The following RAVER1 variants were observed in gnomAD, a reference collection of about 807,000 sequenced individuals.
The protein encoded by RAVER1 is ribonucleoprotein PTB-binding 1.
A neutral mutation model predicts 68.4 loss-of-function variants in RAVER1; 36 were observed. That is an observed-to-expected ratio of 0.53 (90% CI 0.40 to 0.70). The LOEUF is 0.70. Among genes scored for constraint, RAVER1 ranks in the 30% least tolerant of loss-of-function variants. RAVER1 has a pLI of 0.00. For missense variants in RAVER1, 933 were observed against 1,019.8 expected (o/e 0.91, Z 1.16); for synonymous variants, 469 against 472.7 (o/e 0.99, Z 0.10).
In RAVER1 at chr19:10,320,733, G is replaced by A; in HGVS notation, c.1692C>T (p.Arg564=). Residue 564 remains arginine, a synonymous_variant, in exon 9 of 13, where the codon CGC becomes CGT. Transcript: ENST00000617231. ...SSSKAFQLKS[R]LLSPLSSARL... is the part of the protein sequence containing the mutation. ...GGGCGCTGCTGAGGGGGCTGAGCAG[G>A]CGGGACTTGAGCTGGAAGGCTTTGC... is the stretch of plus-strand genomic sequence containing the variant. 1 of 1,532,536 alleles carries A rather than the reference G, an allele frequency of 6.5e-7. No homozygotes were observed. The highest frequency in any genetic ancestry group is 8.7e-7 in the Non-Finnish European group (1 of 1,148,374). 94.9% of individuals were successfully genotyped at this position (1,532,536 alleles called of 1,614,324 possible).
chr19:10,328,962 G>T lies in RAVER1; in HGVS notation c.436C>A (p.Gln146Lys). ...GGCCGCACCAGCTCCTCGAACTGCT[G>T]CTGTGTGAGGCTGGGGGGCAGGTTG... The part of the protein sequence containing the change: ...VANLPPSLTQ[Q>K]QFEELVRPFG... The change falls in exon 3 of 13, where the codon CAG (glutamine) becomes AAG (lysine). Residue 146 changes from glutamine (Q) to lysine (K), a missense_variant. Gln to Lys is a moderately conservative substitution (Grantham distance 53). Around this residue, in one of 3 missense-constraint regions of RAVER1, gnomAD observed 211 missense variants for 230.0 expected, o/e 0.92. Coordinates refer to ENST00000617231, the MANE Select transcript of RAVER1 (RefSeq NM_133452.3). The surrounding 1 kb of genome is among the most constrained non-coding windows in gnomAD (Gnocchi z 4.4). 2 of 1,601,074 alleles carry T rather than the reference G, an allele frequency of 1.2e-6. No homozygotes were observed. The highest frequency in any genetic ancestry group is 1.7e-6 in the Non-Finnish European group (2 of 1,171,584).
Position 10,323,065 on chromosome 19 carries a change from T to G in RAVER1, c.1078+80A>C, listed in dbSNP as rs888261431. The G allele has an allele frequency of 1.3e-5, 16 of 1,208,208 alleles. No homozygotes were observed. Among genetic ancestry groups the G allele is most frequent in the Non-Finnish European group, 1.7e-5 (15 of 877,312 alleles). 74.8% of individuals were successfully genotyped at this position (1,208,208 alleles called of 1,614,324 possible). On this transcript the variant is annotated intron_variant, in intron 5 of 12. Transcript: ENST00000617231. This position sits in a 1 kb window ranked among gnomAD's most constrained non-coding sequence, Gnocchi z 6.2. Reference sequence around the variant, plus strand: ...GGGGCTCCTGTCACTGCAGCCAAGATGAGCAGTTTCGGGAAGTGCCGGGGG... The same window carrying G: ...GGGGCTCCTGTCACTGCAGCCAAGAGGAGCAGTTTCGGGAAGTGCCGGGGG...
At chr19:10,327,403 AC>A (rs2145079524) in intron 3 of RAVER1, among the ~76,000 whole-genome samples, 1 of 151,992 alleles carries the variant, frequency 6.6e-6, no homozygotes, top group East Asian at 1.9e-4. Flanking sequence ...AGCTGGGACT[AC>A]AGGCACACCA....
Position 10,328,912 on chromosome 19 carries a change from G to A in RAVER1, c.486C>T (p.Phe162=). 6.2e-7 allele frequency: 1 copy of A among 1,612,762 alleles called. No individual in the cohort carries two copies. Among genetic ancestry groups the A allele is most frequent in the Non-Finnish European group, 8.5e-7 (1 of 1,179,430 alleles). The part of the protein sequence containing the change: ...VRPFGSLERC[F]LVYSERTGQS... ...GGCCAGTGCGCTCACTGTAGACCAG[G>A]AAGCAGCGCTCCAGGCTGCCGAAGG... is the stretch of plus-strand genomic sequence containing the variant. Residue 162 remains phenylalanine, a synonymous_variant, in exon 3 of 13, where the codon TTC becomes TTT. Coordinates refer to ENST00000617231, the MANE Select transcript of RAVER1 (RefSeq NM_133452.3). This position sits in a 1 kb window ranked among gnomAD's most constrained non-coding sequence, Gnocchi z 4.4.
chr19:10,319,324 A>C, intron 9 of RAVER1, 84 bp from the exon 10 acceptor site: 1 of 1,351,124 alleles, frequency 7.4e-7, no homozygotes, highest in Non-Finnish European at 1.0e-6. Flanking sequence ...AGCTGTCATC[A>C]GGGAAGACAG....
In RAVER1 at chr19:10,326,528, G is replaced by A. The variant is rs139883901; in HGVS notation, c.756+2114C>T. Among the ~76,000 whole-genome samples the A allele has an allele frequency of 7.1e-3, 1,080 of 152,186 alleles. 13 individuals carry two copies. The highest frequency in any genetic ancestry group is 0.024 in the African/African-American group (1,000 of 41,538). ...GGCACGATCTCCACTAACCGCAACC[G>A]CAGTCTTCTGGGTTCAAGCAATTCT... On this transcript the variant is annotated intron_variant, in intron 3 of 12. Coordinates refer to ENST00000617231, the MANE Select transcript of RAVER1 (RefSeq NM_133452.3).
At chr19:10,331,291 A>T (rs1297648203) in intron 1 of RAVER1, among the ~76,000 whole-genome samples, 1 of 136,758 alleles carries the variant, frequency 7.3e-6, no homozygotes, top group East Asian at 2.4e-4. Flanking sequence ...CAGAGCTTGC[A>T]GTGAGCCGAG....
intron 1 of RAVER1, among the ~76,000 whole-genome samples, chr19:10,332,373 A>G (rs1408469357): frequency 2.0e-5 from 3 of 152,152 alleles, no homozygotes; most frequent in African/African-American, 4.8e-5. Flanking sequence ...AGGAGAGACA[A>G]TGTGTTCCCA....
Position 10,329,253 on chromosome 19 carries a change from G to A in RAVER1, c.287-142C>T. On this transcript the variant is annotated intron_variant, in intron 2 of 12. Transcript: ENST00000617231. The surrounding 1 kb of genome is among the most constrained non-coding windows in gnomAD (Gnocchi z 4.6). ...GATCTGAGCAGTTGCCAGCCTTGGCGACTCACACAGGCGAGAGCGCCTGCC... is the reference window on the plus strand; with the variant it reads ...GATCTGAGCAGTTGCCAGCCTTGGCAACTCACACAGGCGAGAGCGCCTGCC... 1.7e-6 allele frequency: 1 copy of A among 602,710 alleles called. No homozygotes were observed. The highest frequency in any genetic ancestry group is 2.9e-5 in the East Asian group (1 of 34,756). The allele number at this position is 602,710 out of a possible 1,614,324, so 37.3% of individuals were successfully genotyped here. A position where few individuals can be genotyped will look rare whatever the true frequency, so the allele number is the denominator to read the frequency against.
In RAVER1 at chr19:10,320,769, G is replaced by A; in HGVS notation, c.1656C>T (p.Gly552=). 1.3e-6 allele frequency: 2 copies of A among 1,481,804 alleles called. No individual in the cohort carries two copies. The highest frequency in any genetic ancestry group is 2.7e-5 in the South Asian group (2 of 75,266). The allele number at this position is 1,481,804 out of a possible 1,614,324, so 91.8% of individuals were successfully genotyped here. Residue 552 remains glycine (G), a synonymous_variant, in exon 9 of 13, where the codon GGC becomes GGT. Coordinates refer to ENST00000617231, the MANE Select transcript of RAVER1 (RefSeq NM_133452.3). The part of the protein sequence containing the change: ...PPTNPPAPGG[G]SSSSKAFQLK... ...GCTGGAAGGCTTTGCTGCTGCTGCT[G>A]CCACCTCCAGGGGCTGGGGGGTTAG... is the stretch of plus-strand genomic sequence containing the variant.
intron 3 of RAVER1, among the ~76,000 whole-genome samples, chr19:10,324,205 C>T (rs902525892): frequency 1.3e-5 from 2 of 151,148 alleles, no homozygotes; most frequent in Non-Finnish European, 2.9e-5. Flanking sequence ...GAAGGAAGGG[C>T]TCTCGTTCCA....
chr19:10,325,171 C>T (rs2040465910), intron 3 of RAVER1, among the ~76,000 whole-genome samples: 1 of 152,168 alleles, frequency 6.6e-6, no homozygotes, highest in African/African-American at 2.4e-5. Context: ...AAGGCACCTA[C>T]CACCACGCCT....
Position 10,317,131 on chromosome 19 carries a change from GGAGCAAT to G in RAVER1, c.*316_*322del. 2.6e-6 allele frequency: 1 copy of G among 384,616 alleles called. No individual in the cohort carries two copies. Among genetic ancestry groups the G allele is most frequent in the East Asian group, 6.9e-5 (1 of 14,552 alleles). 23.8% of individuals were successfully genotyped at this position (384,616 alleles called of 1,614,324 possible). On this transcript the variant is annotated 3_prime_UTR_variant, in exon 13 of 13. Coordinates refer to ENST00000617231, the MANE Select transcript of RAVER1 (RefSeq NM_133452.3). The surrounding 1 kb of genome is among the most constrained non-coding windows in gnomAD (Gnocchi z 4.3). Reference sequence around the variant, plus strand: ...AGGCACTCGAAAGGCCAAAATTACAGGAGCAATGAGGCAGGAGGGCTCCGGAGAGACG... The same window carrying G: ...AGGCACTCGAAAGGCCAAAATTACAGGAGGCAGGAGGGCTCCGGAGAGACG...
In RAVER1 at chr19:10,319,253, G is replaced by A. The variant is rs374477560; in HGVS notation, c.1771-13C>T. The A allele has an allele frequency of 8.2e-5, 132 of 1,612,800 alleles. No individual in the cohort carries two copies. Among genetic ancestry groups the A allele is most frequent in the African/African-American group, 2.4e-4 (18 of 74,920 alleles). On this transcript the variant is annotated splice_polypyrimidine_tract_variant and intron_variant, in intron 9 of 12. Coordinates refer to ENST00000617231, the MANE Select transcript of RAVER1 (RefSeq NM_133452.3). ...GAGGTCCCATGTCCTGAATGAAAGC[G>A]GGAGAAGCACATTGGGTTGGAGTCT...
In RAVER1 at chr19:10,320,867, T is replaced by A; in HGVS notation, c.1558A>T (p.Asn520Tyr). 1 of 1,511,874 alleles carries A rather than the reference T, an allele frequency of 6.6e-7. No homozygotes were observed. The highest frequency in any genetic ancestry group is 8.8e-7 in the Non-Finnish European group (1 of 1,136,850). 93.7% of individuals were successfully genotyped at this position (1,511,874 alleles called of 1,614,324 possible). The change falls in exon 9 of 13, where the codon AAC (asparagine) becomes TAC (tyrosine). Residue 520 changes from asparagine (N) to tyrosine (Y), a missense_variant. Transcript: ENST00000617231. ...LNLHSLLPAS[N>Y]LAGKEARGWG... ...CCCCGGGCCTCCTTACCCGCCAGGT[T>A]GCTGGCCGGGAGCAGGCTGTGTAGG...
chr19:10,317,487 C>A lies in RAVER1; in HGVS notation c.2187G>T (p.Ala729=). The A allele has an allele frequency of 6.2e-7, 1 of 1,613,804 alleles. No individual in the cohort carries two copies. The highest frequency in any genetic ancestry group is 8.5e-7 in the Non-Finnish European group (1 of 1,179,716). ...QHSQGLGGHY[A]DSYLKRKRIF ...TCCTCTTCCGCTTCAGGTAGGAGTC[C>A]GCGTAGTGGCCGCCGAGGCCCTGGG... is the stretch of plus-strand genomic sequence containing the variant. The change falls in exon 13 of 13, where the codon GCG becomes GCT. Residue 729 remains alanine, a synonymous_variant. Coordinates refer to ENST00000617231, the MANE Select transcript of RAVER1 (RefSeq NM_133452.3). The surrounding 1 kb of genome is among the most constrained non-coding windows in gnomAD (Gnocchi z 4.3).
rs1275319461 is a variant in RAVER1, at chr19:10,322,593, A to G, written c.1173+52T>C. On this transcript the variant is annotated intron_variant, in intron 6 of 12. Transcript: ENST00000617231. The surrounding 1 kb of genome is among the most constrained non-coding windows in gnomAD (Gnocchi z 4.3). ...CCACCGATCGCACCAGCTGTGTTGA[A>G]AAGAGCCTGTAGGGGCTGTAGAGCA... 3.1e-6 allele frequency: 4 copies of G among 1,303,142 alleles called. No individual in the cohort carries two copies. Among genetic ancestry groups the G allele is most frequent in the Non-Finnish European group, 4.2e-6 (4 of 959,586 alleles). 80.7% of individuals were successfully genotyped at this position (1,303,142 alleles called of 1,614,324 possible).
At chr19:10,332,346 C>T (rs183436243) in intron 1 of RAVER1, among the ~76,000 whole-genome samples, 155 of 152,316 alleles carry the variant, frequency 1.0e-3, no homozygotes, top group South Asian at 1.9e-3. Flanking sequence ...TGGGACCAGA[C>T]ACACTGTGCA....
In RAVER1 at chr19:10,328,493, A is replaced by C; in HGVS notation, c.756+149T>G. On this transcript the variant is annotated intron_variant, in intron 3 of 12. Transcript: ENST00000617231. The surrounding 1 kb of genome is among the most constrained non-coding windows in gnomAD (Gnocchi z 4.4). ...CTTGAACCAAAGAGGCGGAGGTTGC[A>C]GTGAACTGAGATTGTATCACTGCAC... 1 of 616,392 alleles carries C rather than the reference A, an allele frequency of 1.6e-6. No individual in the cohort carries two copies. Among genetic ancestry groups the C allele is most frequent in the Non-Finnish European group, 2.8e-6 (1 of 353,078 alleles). 38.2% of individuals were successfully genotyped at this position (616,392 alleles called of 1,614,324 possible). A position where few individuals can be genotyped will look rare whatever the true frequency, so the allele number is the denominator to read the frequency against.
Sources: allele counts gnomAD v4.1 joint callset (sites outside exome capture counted in the v4.1 genomes callset), GRCh38; gene constraint gnomAD v4.1.1; regional missense constraint gnomAD v4.1.1; non-coding constraint Gnocchi (gnomAD v3.1); transcripts MANE v1.5; gene names NCBI Gene and HGNC (gene_info 2026-07-23, HGNC 2026-07-21).